Variants in ASCC3 observed in about 807,000 individuals in gnomAD.
The protein encoded by ASCC3 is activating signal cointegrator 1 complex subunit 3, also known as ASC-1 complex subunit P200.
A neutral mutation model predicts 256.3 loss-of-function variants in ASCC3; 158 were observed. The observed-to-expected ratio is 0.62, with a 90% CI of 0.54 to 0.70. The LOEUF (loss-of-function observed/expected upper bound fraction) is 0.70. ASCC3 is among the 30% of genes least tolerant of loss of function. The pLI is 0.00. For synonymous variants in ASCC3, 948 were observed against 883.4 expected (o/e 1.07, Z -1.30); for missense variants, 2,259 against 2,626.0 (o/e 0.86, Z 3.05).
intron 37 of ASCC3, among the ~76,000 whole-genome samples, chr6:100,537,151 T>C (rs901640418): frequency 3.3e-5 from 5 of 152,178 alleles, no homozygotes; most frequent in African/African-American, 1.2e-4. Flanking sequence ...AACTCTATAG[T>C]GAAGAAGGCT....
intron 30 of ASCC3, among the ~76,000 whole-genome samples, chr6:100,623,053 A>G (rs1309321516): frequency 6.6e-6 from 1 of 152,176 alleles, no homozygotes; most frequent in Admixed American, 6.6e-5. Flanking sequence ...AGGATAACAT[A>G]TAAAATAAAA....
intron 10 of ASCC3, among the ~76,000 whole-genome samples, chr6:100,738,915 A>G (rs924134733): frequency 2.0e-5 from 3 of 152,180 alleles, no homozygotes; most frequent in Admixed American, 6.5e-5. Context: ...TTCTCTTCCT[A>G]TATGAATACC....
intron 24 of ASCC3, among the ~76,000 whole-genome samples, chr6:100,641,003 T>C (rs1775095992): frequency 6.6e-6 from 1 of 152,190 alleles, no homozygotes; most frequent in Admixed American, 6.5e-5. Context: ...ATATGGACTT[T>C]CATTTTTCTA....
chr6:100,589,592 C>A (rs369971817), intron 36 of ASCC3, 42 bp downstream of exon 36: 2 of 1,609,760 alleles, frequency 1.2e-6, no homozygotes, highest in South Asian at 1.1e-5. Context: ...AACTTTAAGC[C>A]CTAAATTAAA....
In ASCC3 at chr6:100,629,139, G is replaced by A; in HGVS notation, c.4251C>T (p.Ser1417=). ...TGACGATAAGGTCAGCCTTGGCAAT[G>A]GATTTCATATCAGGAGTCACATCCC... ...LTGDVTPDMK[S]IAKADLIVTT... The change falls in exon 27 of 42, where the codon TCC becomes TCT. Residue 1417 remains serine, a synonymous_variant. Coordinates refer to ENST00000369162, the MANE Select transcript of ASCC3 (RefSeq NM_006828.4). 6.2e-7 allele frequency: 1 copy of A among 1,613,654 alleles called. No homozygotes were observed. Among genetic ancestry groups the A allele is most frequent in the Non-Finnish European group, 8.5e-7 (1 of 1,179,812 alleles).
chr6:100,773,731 G>A (rs1782046638), intron 8 of ASCC3, among the ~76,000 whole-genome samples: 1 of 152,008 alleles, frequency 6.6e-6, no homozygotes, highest in Admixed American at 6.6e-5. Context: ...TCAATTGCCA[G>A]GAACATAATA....
intron 36 of ASCC3, among the ~76,000 whole-genome samples, chr6:100,579,258 A>G (rs1200141949): frequency 6.6e-6 from 1 of 151,674 alleles, no homozygotes; most frequent in Non-Finnish European, 1.5e-5. Context: ...TGTCAGAGGA[A>G]TAGTTTGCAA....
intron 34 of ASCC3, among the ~76,000 whole-genome samples, chr6:100,590,429 C>T (rs180690459): frequency 2.0e-4 from 31 of 152,256 alleles, no homozygotes; most frequent in Non-Finnish European, 1.3e-4. Context: ...TGCATCCCTG[C>T]AACACTGAGA....
At chr6:100,877,259 A>C (rs987348052) in intron 1 of ASCC3, among the ~76,000 whole-genome samples, 1 of 152,172 alleles carries the variant, frequency 6.6e-6, no homozygotes, top group Non-Finnish European at 1.5e-5. Flanking sequence ...AAATAGTCAA[A>C]GTGATATACT....
intron 36 of ASCC3, among the ~76,000 whole-genome samples, chr6:100,551,573 A>C (rs1769301235): frequency 6.6e-6 from 1 of 151,994 alleles, no homozygotes; most frequent in Non-Finnish European, 1.5e-5. Flanking sequence ...TTATATCTAC[A>C]CTGTACTTGA....
In ASCC3 at chr6:100,560,175, G is replaced by A. The variant is rs149388102; in HGVS notation, c.5551-19788C>T. On this transcript the variant is annotated intron_variant, in intron 36 of 41. Transcript: ENST00000369162. ...AAAGTTTTAGTTTTAGTTAATGTTT[G>A]CAAAATTTAGATGTTTGAAGTTATT... Among the ~76,000 whole-genome samples the A allele has an allele frequency of 1.2e-4, 19 of 152,212 alleles. No individual in the cohort carries two copies. The East Asian group carries it at 3.5e-3, about 28-fold the overall frequency.
At chr6:100,872,475 G>C (rs531565210) in intron 1 of ASCC3, among the ~76,000 whole-genome samples, 1 of 118,682 alleles carries the variant, frequency 8.4e-6, no homozygotes, top group South Asian at 2.7e-4. Context: ...GGGTCGGGGG[G>C]GGATCATGGC....
chr6:100,512,107 A>G (rs897821494), intron 40 of ASCC3, among the ~76,000 whole-genome samples: 1 of 152,218 alleles, frequency 6.6e-6, no homozygotes, highest in African/African-American at 2.4e-5. Context: ...AAAATACTGT[A>G]CATTTTTGCC....
intron 1 of ASCC3, among the ~76,000 whole-genome samples, chr6:100,871,285 G>A (rs1773730456): frequency 6.6e-6 from 1 of 152,108 alleles, no homozygotes; most frequent in East Asian, 1.9e-4. Flanking sequence ...TAGCAGAGAT[G>A]GGGCTTCCCC....
At chr6:100,535,133 G>A (rs1312565559) in intron 37 of ASCC3, among the ~76,000 whole-genome samples, 1 of 152,118 alleles carries the variant, frequency 6.6e-6, no homozygotes, top group Non-Finnish European at 1.5e-5. Context: ...TACTAAAATG[G>A]CAGCAGAGGA....
intron 16 of ASCC3, among the ~76,000 whole-genome samples, chr6:100,656,982 A>AG (rs921193708): frequency 5.3e-5 from 8 of 151,280 alleles, no homozygotes; most frequent in Admixed American, 3.3e-4. Context: ...CTAATATTAA[A>AG]GAAAGTAAAA....
chr6:100,715,821 C>T (rs1302004742), intron 12 of ASCC3, among the ~76,000 whole-genome samples: 2 of 151,700 alleles, frequency 1.3e-5, no homozygotes, highest in Non-Finnish European at 1.5e-5. Context: ...TTGTTAGTTA[C>T]AAATATTTTA....
At chr6:100,846,483 C>A (rs1229610157) in intron 4 of ASCC3, among the ~76,000 whole-genome samples, 1 of 152,182 alleles carries the variant, frequency 6.6e-6, no homozygotes, top group Non-Finnish European at 1.5e-5. Flanking sequence ...TATCCATTAA[C>A]CCTGGTTGAA....
At chr6:100,765,353 T>C (rs558819990) in intron 10 of ASCC3, among the ~76,000 whole-genome samples, 71 of 152,304 alleles carry the variant, frequency 4.7e-4, no homozygotes, top group African/African-American at 1.7e-3. Context: ...TGCCTCATTA[T>C]ACTCTCCTTC....
Sources: gnomAD v4.1 joint callset for allele counts (sites outside exome capture counted in the v4.1 genomes callset) on GRCh38, gnomAD v4.1.1 for gene constraint, MANE v1.5 for transcripts, NCBI Gene and HGNC (gene_info 2026-07-23, HGNC 2026-07-21) for gene names.